Variants in SHTN1 observed in about 807,000 individuals in gnomAD.
The protein encoded by SHTN1 is shootin-1.
Under a neutral mutation model 83.1 loss-of-function variants are expected in SHTN1, and 42 were observed. The observed-to-expected ratio is 0.51, with a 90% CI of 0.39 to 0.65. The LOEUF (loss-of-function observed/expected upper bound fraction) is 0.65. SHTN1 is among the 30% of genes least tolerant of loss of function. SHTN1 has a pLI of 0.00. For synonymous variants in SHTN1, 224 were observed against 247.7 expected (o/e 0.90, Z 0.90); for missense variants, 622 against 737.8 (o/e 0.84, Z 1.82).
chr10:116,895,308 C>T (rs1847479713), intron 16 of SHTN1, among the ~76,000 whole-genome samples: 1 of 152,152 alleles, frequency 6.6e-6, no homozygotes, highest in African/African-American at 2.4e-5. Context: ...AGAACTTATG[C>T]TGACGACTAA....
At chr10:117,000,338 G>T (rs1369663361) in intron 1 of SHTN1, among the ~76,000 whole-genome samples, 1 of 152,122 alleles carries the variant, frequency 6.6e-6, no homozygotes, top group South Asian at 2.1e-4. Flanking sequence ...ATGGAATACT[G>T]GATGCATCTT....
At chr10:116,922,966 C>CA (rs113540379) in intron 11 of SHTN1, among the ~76,000 whole-genome samples, 138 of 140,218 alleles carry the variant, frequency 9.8e-4, no homozygotes, top group Middle Eastern at 7.4e-3. Flanking sequence ...AACTCCATCT[C>CA]AAAAAAAAAA....
intron 16 of SHTN1, among the ~76,000 whole-genome samples, chr10:116,887,811 A>G (rs1847213741): frequency 6.6e-6 from 1 of 152,166 alleles, no homozygotes; most frequent in African/African-American, 2.4e-5. Flanking sequence ...GGCAAATACT[A>G]ATAAACTGAA....
chr10:116,902,183 A>G (rs1847769045), intron 15 of SHTN1, among the ~76,000 whole-genome samples: 1 of 152,206 alleles, frequency 6.6e-6, no homozygotes, highest in Non-Finnish European at 1.5e-5. Flanking sequence ...CAGACCTTTA[A>G]GAAACCACAA....
intron 1 of SHTN1, among the ~76,000 whole-genome samples, chr10:117,123,116 C>T (rs1395076444): frequency 1.3e-5 from 2 of 152,160 alleles, no homozygotes; most frequent in African/African-American, 4.8e-5. Context: ...AATTATCCTG[C>T]CTCAGCCTCC....
At chr10:116,915,786 A>T (rs746355131) in intron 12 of SHTN1, among the ~76,000 whole-genome samples, 3 of 152,162 alleles carry the variant, frequency 2.0e-5, no homozygotes, top group African/African-American at 7.2e-5. Context: ...ACATTTCTCC[A>T]GGTCTTTAAA....
chr10:117,026,652 C>G (rs1852336866), intron 2 of SHTN1, among the ~76,000 whole-genome samples: 1 of 152,076 alleles, frequency 6.6e-6, no homozygotes, highest in Admixed American at 6.6e-5. Flanking sequence ...AATCTCCTGA[C>G]CTCAAGTGAT....
At chr10:116,891,536 A>T (rs193160551) in intron 16 of SHTN1, among the ~76,000 whole-genome samples, 109 of 152,364 alleles carry the variant, frequency 7.2e-4, no homozygotes, top group African/African-American at 2.3e-3. Flanking sequence ...ATTTGTCTTT[A>T]TAAAGTCGTT....
intron 1 of SHTN1, among the ~76,000 whole-genome samples, chr10:116,979,745 G>C (rs941212639): frequency 2.0e-5 from 3 of 152,228 alleles, no homozygotes; most frequent in African/African-American, 7.2e-5. Context: ...CCTGTGAAAG[G>C]ATTCAGGCAG....
intron 9 of SHTN1, among the ~76,000 whole-genome samples, chr10:116,935,940 T>C (rs542902174): frequency 4.6e-5 from 7 of 152,362 alleles, no homozygotes; most frequent in African/African-American, 1.7e-4. Context: ...CTAGATTTTC[T>C]AGTTTATTTG....
chr10:116,964,069 A>C (rs1850305354), intron 3 of SHTN1, among the ~76,000 whole-genome samples: 1 of 152,030 alleles, frequency 6.6e-6, no homozygotes, highest in African/African-American at 2.4e-5. Context: ...CACCTAGCAC[A>C]ATGCTACATG....
chr10:117,027,293 T>G (rs1852346039), intron 2 of SHTN1, among the ~76,000 whole-genome samples: 1 of 152,106 alleles, frequency 6.6e-6, no homozygotes, highest in African/African-American at 2.4e-5. Flanking sequence ...TGAGTTCTCA[T>G]GAGATCTGGT....
intron 1 of SHTN1, among the ~76,000 whole-genome samples, chr10:117,102,049 A>G (rs768474542): frequency 5.3e-5 from 8 of 151,944 alleles, no homozygotes; most frequent in Admixed American, 2.6e-4. Flanking sequence ...AAGCCATCAA[A>G]AAGAAACTTT....
At position 116,968,690 on chromosome 10, in the gene SHTN1, C is replaced by T. The variant is rs760926506; in HGVS notation, c.134G>A (p.Arg45Gln). The T allele has an allele frequency of 1.2e-6, 2 of 1,612,134 alleles. No individual in the cohort carries two copies. The highest frequency in any genetic ancestry group is 1.7e-6 in the Non-Finnish European group (2 of 1,178,734). Residue 45 changes from arginine (R) to glutamine (Q), a missense_variant, in exon 3 of 17, where the codon CGA becomes CAA. This residue lies in a region of SHTN1 where 383 missense variants were observed against 455.8 expected (regional missense o/e 0.84). Coordinates refer to ENST00000355371, the MANE Select transcript of SHTN1 (RefSeq NM_001127211.3). ...TTCCAGTTTTTTAACGGCTTCATCT[C>T]GTTCTTGCCTAATTTTGTCACACTG... ...KEKCDKIRQE[R>Q]DEAVKKLEEF...
chr10:116,924,912 G>A (rs977084532), intron 11 of SHTN1, among the ~76,000 whole-genome samples: 1 of 151,738 alleles, frequency 6.6e-6, no homozygotes, highest in East Asian at 1.9e-4. Flanking sequence ...CACCCACCAC[G>A]CCTGGCTAAT....
At chr10:117,000,023 A>C (rs970712162) in intron 1 of SHTN1, among the ~76,000 whole-genome samples, 1 of 152,240 alleles carries the variant, frequency 6.6e-6, no homozygotes, top group African/African-American at 2.4e-5. Flanking sequence ...GGGGGTTGCC[A>C]AACTGTTGTT....
Position 116,929,929 on chromosome 10 carries a change from T to C in SHTN1, c.932A>G (p.Glu311Gly). The C allele has an allele frequency of 6.2e-7, 1 of 1,609,412 alleles. No homozygotes were observed. Residue 311 changes from glutamate (E) to glycine (G), a missense_variant, in exon 10 of 17, where the codon GAG (glutamate) becomes GGG (glycine). This residue lies in a region of SHTN1 where 383 missense variants were observed against 455.8 expected (regional missense o/e 0.84). Coordinates refer to ENST00000355371, the MANE Select transcript of SHTN1 (RefSeq NM_001127211.3). ...TTCCTTTTTATCTTCCTCTAGAAGC[T>C]CCAGTTGCTGTTTGAGGTTGTGTAT... ...KEIHNLKQQL[E>G]LLEEDKKELE...
chr10:117,049,507 CAG>C (rs1852712142), intron 1 of SHTN1, among the ~76,000 whole-genome samples: 1 of 152,130 alleles, frequency 6.6e-6, no homozygotes, highest in Non-Finnish European at 1.5e-5. Context: ...CTTTGCCAGA[CAG>C]AGCCATAAAG....
chr10:116,892,218 A>G (rs1302555721), intron 16 of SHTN1, among the ~76,000 whole-genome samples: 1 of 152,182 alleles, frequency 6.6e-6, no homozygotes, highest in Non-Finnish European at 1.5e-5. Flanking sequence ...TGTACCTTGT[A>G]GGATATTATC....
Sources: gnomAD v4.1 joint callset for allele counts (sites outside exome capture counted in the v4.1 genomes callset) on GRCh38, gnomAD v4.1.1 for gene constraint, gnomAD v4.1.1 regional missense constraint, MANE v1.5 for transcripts, NCBI Gene and HGNC (gene_info 2026-07-23, HGNC 2026-07-21) for gene names.